BDP1: variants seen among roughly 807,000 people sequenced by gnomAD.
BDP1 encodes the protein BDP1 general transcription factor IIIB subunit, also known as transcription factor TFIIIB component B'' homolog.
In BDP1, 169 loss-of-function variants were observed where a neutral mutation model predicts 266.6. That is an observed-to-expected ratio of 0.63 (90% CI 0.56 to 0.72). The LOEUF (loss-of-function observed/expected upper bound fraction) is 0.72. Among genes scored for constraint, BDP1 ranks in the 30% least tolerant of loss-of-function variants. The pLI is 0.00. For missense variants in BDP1, 3,015 were observed against 3,053.8 expected, an observed-to-expected ratio of 0.99 and a Z score of 0.30; for synonymous variants, 1,090 against 1,022.4, an observed-to-expected ratio of 1.07 and a Z score of -1.26.
chr5:71,506,782 T>G (rs543289240), intron 16 of BDP1, among the ~76,000 whole-genome samples: 1 of 75,322 alleles, frequency 1.3e-5, no homozygotes, highest in African/African-American at 4.9e-5. Context: ...ATATATATAT[T>G]TGAAACACAC....
downstream of BDP1, among the ~76,000 whole-genome samples, chr5:71,568,117 C>T (rs191886484): frequency 1.2e-3 from 179 of 152,224 alleles, no homozygotes; most frequent in Non-Finnish European, 1.9e-3. Flanking sequence ...CACACTCCAG[C>T]CTGGATGACA....
intron 22 of BDP1, among the ~76,000 whole-genome samples, chr5:71,522,072 C>G (rs777314458): frequency 4.6e-5 from 7 of 151,810 alleles, no homozygotes; most frequent in Non-Finnish European, 1.0e-4. Context: ...AAAACTTTTT[C>G]AGGCTCTATA....
At chr5:71,505,028 T>C (rs1764502080) in intron 16 of BDP1, among the ~76,000 whole-genome samples, 1 of 152,202 alleles carries the variant, frequency 6.6e-6, no homozygotes, top group Non-Finnish European at 1.5e-5. Flanking sequence ...ACTTTTTATT[T>C]TTTGAGACGG....
intron 7 of BDP1, among the ~76,000 whole-genome samples, chr5:71,474,591 T>G (rs1762474718): frequency 6.6e-6 from 1 of 150,906 alleles, no homozygotes; most frequent in African/African-American, 2.4e-5. Flanking sequence ...CTCACGCCTG[T>G]AATCCTAGCA....
chr5:71,537,149 CAAAAAA>C (rs70992979), intron 26 of BDP1, among the ~76,000 whole-genome samples: 1 of 82,430 alleles, frequency 1.2e-5, no homozygotes, highest in South Asian at 5.3e-4. Context: ...ACCAAAAAAC[CAAAAAA>C]AAAAAAAAAA....
chr5:71,577,718 C>T, the BDP1 span, among the ~76,000 whole-genome samples: 1 of 151,922 alleles, frequency 6.6e-6, no homozygotes, highest in Non-Finnish European at 1.5e-5. Flanking sequence ...GACTGAATTC[C>T]AGCAAGGCCT....
chr5:71,558,834 A>G (rs1302425668), intron 36 of BDP1, among the ~76,000 whole-genome samples: 2 of 49,032 alleles, frequency 4.1e-5, no homozygotes, highest in Admixed American at 1.5e-4. Context: ...CTCAAAAACA[A>G]AAAAAAAAAA....
intron 13 of BDP1, among the ~76,000 whole-genome samples, chr5:71,499,122 C>T (rs950692124): frequency 5.4e-5 from 8 of 148,988 alleles, no homozygotes; most frequent in Admixed American, 2.7e-4. Flanking sequence ...GTTTTTGAGA[C>T]GGAGTCTCGC....
At chr5:71,517,211 ATTTAAAAAAGAAAAGGGAT>A in intron 21 of BDP1, 92 bp from the exon 22 acceptor site, 1 of 976,120 alleles carries the variant, frequency 1.0e-6, no homozygotes. Flanking sequence ...ATAAATAAAA[ATTTAAAAAAGAAAAGGGAT>A]TTTAAAAAAC....
rs2150347792 is a variant in BDP1 at position 71,461,919 on chromosome 5, C to A, written c.592C>A (p.Pro198Thr). 7.2e-7 allele frequency: 1 copy of A among 1,396,010 alleles called. No homozygotes were observed. The highest frequency in any genetic ancestry group is 1.0e-6 in the Non-Finnish European group (1 of 993,838). 86.5% of individuals were successfully genotyped at this position (1,396,010 alleles called of 1,614,324 possible). ...CATATATTATCTACCAGATAATAAT[C>A]CAATGACGTAAGTAAAATTTATTTC... Reference protein sequence around the residue: ...DFIYYLPDNNPMTSSLEQEKK... With the variant: ...DFIYYLPDNNTMTSSLEQEKK... The change falls in exon 3 of 39, where the codon CCA becomes ACA. Residue 198 changes from proline to threonine, a missense_variant. This residue lies in a region of BDP1 where 2,383 missense variants were observed against 2,404.9 expected (regional missense o/e 0.99). Coordinates refer to ENST00000358731, the MANE Select transcript of BDP1 (RefSeq NM_018429.3).
At chr5:71,525,406 T>C (rs1290174787) in intron 25 of BDP1, among the ~76,000 whole-genome samples, 2 of 110,822 alleles carry the variant, frequency 1.8e-5, no homozygotes, top group Non-Finnish European at 1.9e-5. Context: ...CCCCCCCACC[T>C]CCCTCCCGGA....
At chr5:71,514,257 G>A (rs1430909667) in intron 19 of BDP1, among the ~76,000 whole-genome samples, 2 of 152,100 alleles carry the variant, frequency 1.3e-5, no homozygotes, top group Non-Finnish European at 1.5e-5. Context: ...TCTTAAAATA[G>A]CTCAGTACTT....
chr5:71,504,099 C>T (rs562619970), intron 15 of BDP1, among the ~76,000 whole-genome samples: 1 of 151,676 alleles, frequency 6.6e-6, no homozygotes, highest in East Asian at 1.9e-4. Context: ...GGTGAAACCC[C>T]TTCTCTACTA....
intron 33 of BDP1, 106 bp downstream of exon 33, chr5:71,548,851 G>T: frequency 2.4e-6 from 2 of 820,126 alleles, no homozygotes; most frequent in Non-Finnish European, 4.0e-6. Context: ...AGTCTATGCT[G>T]GCCTTAAATT....
At chr5:71,536,672 T>C (rs1381469246) in intron 26 of BDP1, among the ~76,000 whole-genome samples, 2 of 151,906 alleles carry the variant, frequency 1.3e-5, no homozygotes, top group Non-Finnish European at 2.9e-5. Flanking sequence ...CAAATATGTT[T>C]TTTAAAAGTT....
At position 71,495,362 on chromosome 5, in the gene BDP1, G is replaced by C. The variant is rs1353151053; in HGVS notation, c.1753G>C (p.Gly585Arg). 2 of 1,596,600 alleles carry C rather than the reference G, an allele frequency of 1.3e-6. No individual in the cohort carries two copies. The highest frequency in any genetic ancestry group is 1.3e-5 in the African/African-American group (1 of 74,606). The change falls in exon 12 of 39, where the codon GGT (glycine) becomes CGT (arginine). Residue 585 changes from glycine to arginine, a missense_variant. Around this residue, in one of 3 missense-constraint regions of BDP1, gnomAD observed 2,383 missense variants for 2,404.9 expected, o/e 0.99. Coordinates refer to ENST00000358731, the MANE Select transcript of BDP1 (RefSeq NM_018429.3). ...RALCEVNNAEGSCIEERNVDL... is the reference protein window; with the variant it reads ...RALCEVNNAERSCIEERNVDL... ...ATTGTGTGAGGTGAATAATGCTGAG[G>C]GTAGTTGTATAGAAGAAAGAAATGT... is the stretch of plus-strand genomic sequence containing the variant.
chr5:71,512,546 T>A lies in BDP1; in HGVS notation c.4247+118T>A, dbSNP rs975969598. On this transcript the variant is annotated intron_variant, in intron 18 of 38. Transcript: ENST00000358731. ...AGTGTTAGAGCTTTTAAGATAGTTT[T>A]GGGAAGACTGGGAGAGAGGATTGAG... The A allele has an allele frequency of 3.0e-5, 18 of 602,576 alleles. No homozygotes were observed. The African/African-American group carries it at 3.0e-4, about 10-fold the overall frequency. 37.3% of individuals were successfully genotyped at this position (602,576 alleles called of 1,614,324 possible). A position where few individuals can be genotyped will look rare whatever the true frequency, so the allele number is the denominator to read the frequency against.
At chr5:71,542,869 T>TA (rs1405042669) in intron 30 of BDP1, among the ~76,000 whole-genome samples, 2 of 151,604 alleles carry the variant, frequency 1.3e-5, no homozygotes, top group African/African-American at 4.8e-5. Flanking sequence ...TGGAGAAAAT[T>TA]AAAAAAAAAT....
chr5:71,513,090 TA>T (rs1765023009), intron 18 of BDP1, 94 bp from the exon 19 acceptor site: 1 of 640,018 alleles, frequency 1.6e-6, no homozygotes, highest in Non-Finnish European at 2.5e-6. Context: ...AAAAAAAAAT[TA>T]AATGTTTACC....
Sources: gnomAD v4.1 joint callset for allele counts (sites outside exome capture counted in the v4.1 genomes callset) on GRCh38, gnomAD v4.1.1 for gene constraint, gnomAD v4.1.1 regional missense constraint, MANE v1.5 for transcripts, NCBI Gene and HGNC (gene_info 2026-07-23, HGNC 2026-07-21) for gene names.